Variants in NRP2 observed in about 807,000 individuals in gnomAD.
The protein encoded by NRP2 is neuropilin-2.
Under a neutral mutation model 110.4 loss-of-function variants are expected in NRP2, and 52 were observed. That is an observed-to-expected ratio of 0.47 (90% confidence interval 0.38 to 0.59). NRP2 has a LOEUF of 0.59. Ranked by LOEUF, NRP2 falls within the 20% of genes least tolerant of loss-of-function variation. The probability of loss-of-function intolerance (pLI) is 0.00; values close to 1 mark genes in which losing one functional copy is unlikely to be tolerated. For missense variants in NRP2, 1,049 were observed against 1,203.0 expected, an observed-to-expected ratio of 0.87 and a Z score of 1.89; for synonymous variants, 508 against 468.9, an observed-to-expected ratio of 1.08 and a Z score of -1.08.
intron 5 of NRP2, 38 bp downstream of exon 5, chr2:205,723,978 C>T (rs372435272): frequency 5.6e-5 from 90 of 1,611,124 alleles, no homozygotes; most frequent in Non-Finnish European, 7.0e-5. Flanking sequence ...CCTGTCCTTC[C>T]GTCAGGGCTG....
chr2:205,752,999 A>G (rs375323247), intron 12 of NRP2, 24 bp downstream of exon 12: 17 of 1,612,340 alleles, frequency 1.1e-5, no homozygotes, highest in African/African-American at 8.0e-5. Flanking sequence ...GAGTGAAGAT[A>G]TGAAAGAGTT....
intron 7 of NRP2, 136 bp downstream of exon 7, chr2:205,728,182 C>T (rs1251628712): frequency 8.7e-6 from 9 of 1,031,060 alleles, no homozygotes; most frequent in African/African-American, 1.6e-5. Flanking sequence ...AGGCAAGGGT[C>T]GTGCTGGCCT....
At chr2:205,755,415 A>G (rs552618477) in intron 12 of NRP2, among the ~76,000 whole-genome samples, 19 of 152,152 alleles carry the variant, frequency 1.2e-4, no homozygotes, top group Non-Finnish European at 2.5e-4. Context: ...GGAAAGTGGC[A>G]CTTATAACCT....
rs1288371803 is a variant in NRP2, at chr2:205,797,960, G to A, written c.*2902G>A. The A allele has an allele frequency of 6.6e-6, 1 of 152,550 alleles. No homozygotes were observed. Among genetic ancestry groups the A allele is most frequent in the African/African-American group, 2.4e-5 (1 of 41,418 alleles). The allele number at this position is 152,550 out of a possible 1,614,324, so 9.4% of individuals were successfully genotyped here. A position where few individuals can be genotyped will look rare whatever the true frequency, so the allele number is the denominator to read the frequency against. On this transcript the variant is annotated 3_prime_UTR_variant, in exon 17 of 17. Transcript: ENST00000357785. ...CACATAGCAGGTTAACTTTTTCAGG[G>A]TTTGCAGTTAGAGGTATTCGACCAT...
intron 15 of NRP2, chr2:205,776,876 C>T: frequency 8.2e-7 from 1 of 1,216,798 alleles, no homozygotes; most frequent in Non-Finnish European, 1.0e-6. Flanking sequence ...TTATCCCATA[C>T]CTCCTCTCAG....
In NRP2 at chr2:205,696,734, C is replaced by CTGG. The variant is rs2056435538; in HGVS notation, c.74-801_74-799dup. The stretch of plus-strand genomic sequence containing the variant: ...TGGCTGGACAAAGCAGCAGCACACT[C>CTGG]TGGTGGTGGTGACCAGGCAGGAGGG... On this transcript the variant is annotated intron_variant, in intron 1 of 16. Transcript: ENST00000357785. Among the ~76,000 whole-genome samples, 3 of 152,352 alleles carry CTGG rather than the reference C, an allele frequency of 2.0e-5. No homozygotes were observed. The South Asian group carries it at 6.2e-4, about 32-fold the overall frequency.
At position 205,725,970 on chromosome 2, in the gene NRP2, T is replaced by C; in HGVS notation, c.878T>C (p.Ile293Thr). 1.9e-6 allele frequency: 3 copies of C among 1,614,122 alleles called. No homozygotes were observed. The highest frequency in any genetic ancestry group is 2.5e-6 in the Non-Finnish European group (3 of 1,180,006). ...MESGRIANEQ[I>T]SASSTYSDGR... ...TCTGGCCGGATTGCTAATGAACAGA[T>C]CAGTGCCTCATCTACCTACTCTGAT... The change falls in exon 6 of 17, where the codon ATC becomes ACC. Residue 293 changes from isoleucine to threonine, a missense_variant. Physicochemically the swap from Ile to Thr is moderately conservative, Grantham distance 89. Transcript: ENST00000357785. The surrounding 1 kb of genome is among the most constrained non-coding windows in gnomAD (Gnocchi z 4.1).
chr2:205,766,811 T>G lies in NRP2; in HGVS notation c.2425+8T>G. On this transcript the variant is annotated splice_region_variant and intron_variant, in intron 15 of 16. Transcript: ENST00000357785. Reference sequence around the variant, plus strand: ...CCATCTCGGCTTTTGCAGGTGAGAATTTTAAAGGTAAAAAAAAATTTTTTT... The same window carrying G: ...CCATCTCGGCTTTTGCAGGTGAGAAGTTTAAAGGTAAAAAAAAATTTTTTT... The G allele has an allele frequency of 6.2e-7, 1 of 1,612,022 alleles. No homozygotes were observed. Among genetic ancestry groups the G allele is most frequent in the African/African-American group, 1.3e-5 (1 of 74,974 alleles).
rs74489811 is a variant in NRP2, at chr2:205,792,316, G to A, written c.2476+31G>A. 1.8e-4 allele frequency: 284 copies of A among 1,567,174 alleles called. No individual in the cohort carries two copies. In the African/African-American group the frequency reaches 2.6e-3, roughly 15 times the overall value. On this transcript the variant is annotated intron_variant, in intron 16 of 16. Transcript: ENST00000357785. ...TACTGTTATGATTTAGCAGGTAATCGTAAAATTCAAGTTTGGTTATAAAGG... is the reference window on the plus strand; with the variant it reads ...TACTGTTATGATTTAGCAGGTAATCATAAAATTCAAGTTTGGTTATAAAGG...
At position 205,732,931 on chromosome 2, in the gene NRP2, A is replaced by G. The variant is rs549894951; in HGVS notation, c.1146+4885A>G. Reference sequence around the variant, plus strand: ...GGCTTCCCCTTATTCCTTTTGTGGTAGTAATTTTGTTTGTTGAATATGAGA... The same window carrying G: ...GGCTTCCCCTTATTCCTTTTGTGGTGGTAATTTTGTTTGTTGAATATGAGA... On this transcript the variant is annotated intron_variant, in intron 7 of 16. Transcript: ENST00000357785. 3.9e-5 allele frequency among the ~76,000 whole-genome samples: 6 copies of G among 152,184 alleles called. 1 individual carries two copies. The highest frequency in any genetic ancestry group is 3.9e-4 in the Admixed American group (6 of 15,282).
intron 12 of NRP2, chr2:205,759,526 C>T (rs1301776205): frequency 6.6e-6 from 1 of 152,144 alleles, no homozygotes; most frequent in Non-Finnish European, 1.5e-5. Context: ...ACTTGAGGTC[C>T]CACTCTTGTT....
chr2:205,757,795 T>A (rs1172290644), intron 12 of NRP2, among the ~76,000 whole-genome samples: 1 of 152,008 alleles, frequency 6.6e-6, no homozygotes, highest in Non-Finnish European at 1.5e-5. Flanking sequence ...AGGAATAATT[T>A]CAACTGGAAA....
At chr2:205,766,685 G>A in intron 14 of NRP2, 98 bp from the exon 15 acceptor site, 3 of 1,142,078 alleles carry the variant, frequency 2.6e-6, no homozygotes, top group Admixed American at 1.7e-5. Flanking sequence ...ACCGAGTGCA[G>A]TCATGTTTAT....
At chr2:205,693,892 T>A (rs2056366406) in intron 1 of NRP2, among the ~76,000 whole-genome samples, 1 of 152,272 alleles carries the variant, frequency 6.6e-6, no homozygotes, top group Non-Finnish European at 1.5e-5. Context: ...TCTGCTACAG[T>A]CAGGCTTCAG....
chr2:205,682,603 G>C lies in NRP2; in HGVS notation c.-688G>C, dbSNP rs1274319044. 1.3e-5 allele frequency: 2 copies of C among 156,114 alleles called. No individual in the cohort carries two copies. The highest frequency in any genetic ancestry group is 1.3e-4 in the Admixed American group (2 of 15,376). The allele number at this position is 156,114 out of a possible 1,614,324, so 9.7% of individuals were successfully genotyped here. ...GGTGAGGGCGGGCGCCAGCGAACTC[G>C]GAGAGGGGCTCGCTCACTCCCAGGC... is the stretch of plus-strand genomic sequence containing the variant. On this transcript the variant is annotated 5_prime_UTR_variant, in exon 1 of 17. Coordinates refer to ENST00000357785, the MANE Select transcript of NRP2 (RefSeq NM_003872.3). This position sits in a 1 kb window ranked among gnomAD's most constrained non-coding sequence, Gnocchi z 4.3.
chr2:205,699,911 C>T (rs2056516041), intron 2 of NRP2, among the ~76,000 whole-genome samples: 1 of 152,160 alleles, frequency 6.6e-6, no homozygotes, highest in Non-Finnish European at 1.5e-5. Flanking sequence ...GATTAAGCCT[C>T]ATCCACTTAA....
chr2:205,748,183 T>C (rs114315346), intron 10 of NRP2, among the ~76,000 whole-genome samples: 276 of 152,310 alleles, frequency 1.8e-3, no homozygotes, highest in Non-Finnish European at 3.2e-3. Context: ...CTACCTAACA[T>C]TTCCAGAAAC....
In NRP2 at chr2:205,722,601, A is replaced by G. The variant is rs557797648; in HGVS notation, c.557A>G (p.Glu186Gly). 1.2e-6 allele frequency: 2 copies of G among 1,614,194 alleles called. No individual in the cohort carries two copies. Among genetic ancestry groups the G allele is most frequent in the East Asian group, 4.5e-5 (2 of 44,886 alleles). ...TFTILAKPKM[E>G]IILQFLIFDL... Reference sequence around the variant, plus strand: ...ACCATCCTGGCCAAACCCAAGATGGAGATCATCCTGCAGTTCCTGATCTTT... The same window carrying G: ...ACCATCCTGGCCAAACCCAAGATGGGGATCATCCTGCAGTTCCTGATCTTT... Residue 186 changes from glutamate (E) to glycine (G), a missense_variant, in exon 4 of 17, where the codon GAG (glutamate) becomes GGG (glycine). Physicochemically the swap from Glu to Gly is moderately conservative, Grantham distance 98. Transcript: ENST00000357785.
intron 1 of NRP2, among the ~76,000 whole-genome samples, chr2:205,693,762 C>A (rs1290181159): frequency 6.6e-6 from 1 of 152,196 alleles, no homozygotes; most frequent in Admixed American, 6.5e-5. Context: ...ATCCCACATT[C>A]AGCCAATGGC....
Sources: gnomAD v4.1 joint callset for allele counts (sites outside exome capture counted in the v4.1 genomes callset) on GRCh38, gnomAD v4.1.1 for gene constraint, Gnocchi (gnomAD v3.1) non-coding constraint, MANE v1.5 for transcripts, NCBI Gene and HGNC (gene_info 2026-07-23, HGNC 2026-07-21) for gene names.